Variants in RPH3AL observed in about 807,000 individuals in gnomAD.
RPH3AL encodes rab effector Noc2.
In RPH3AL, 38 loss-of-function variants were observed where a neutral mutation model predicts 43.1. That is an observed-to-expected ratio of 0.88 (90% CI 0.68 to 1.15). The LOEUF (loss-of-function observed/expected upper bound fraction) is 1.15. Among genes scored for constraint, RPH3AL ranks in the 50% most tolerant of loss-of-function variants. The pLI is 0.00. For missense variants in RPH3AL, 462 were observed against 423.2 expected (o/e 1.09, Z -0.81); for synonymous variants, 189 against 176.3 (o/e 1.07, Z -0.57).
chr17:283,186 T>C lies in RPH3AL; in HGVS notation c.352-1332A>G, dbSNP rs1462002541. 1.3e-5 allele frequency among the ~76,000 whole-genome samples: 2 copies of C among 152,058 alleles called. No individual in the cohort carries two copies. Among genetic ancestry groups the C allele is most frequent in the Admixed American group, 6.6e-5 (1 of 15,266 alleles). On this transcript the variant is annotated intron_variant, in intron 5 of 9. Coordinates refer to ENST00000331302, the MANE Select transcript of RPH3AL (RefSeq NM_006987.4). This position sits in a 1 kb window ranked among gnomAD's most constrained non-coding sequence, Gnocchi z 4.2. Reference sequence around the variant, plus strand: ...TCTGCAGCCCCCCGCCGAGGGAAGGTTGCATCTGTTGCTTGGCCTTTTCTG... The same window carrying C: ...TCTGCAGCCCCCCGCCGAGGGAAGGCTGCATCTGTTGCTTGGCCTTTTCTG...
intron 1 of RPH3AL, among the ~76,000 whole-genome samples, chr17:337,171 A>C (rs1331809300): frequency 6.6e-6 from 1 of 151,984 alleles, no homozygotes; most frequent in Non-Finnish European, 1.5e-5. Context: ...GCTGGAGTGC[A>C]GTGGCACAGT....
At chr17:296,248 A>T (rs2043175975) in intron 5 of RPH3AL, among the ~76,000 whole-genome samples, 1 of 74,910 alleles carries the variant, frequency 1.3e-5, no homozygotes, top group Non-Finnish European at 2.6e-5. Flanking sequence ...GGGAATGCAC[A>T]TCAGTGTGGG....
chr17:317,556 T>C (rs566301003), intron 5 of RPH3AL, among the ~76,000 whole-genome samples: 15 of 152,214 alleles, frequency 9.9e-5, no homozygotes, highest in African/African-American at 2.9e-4. Flanking sequence ...CCACCTCCAC[T>C]GACCTGTAGT....
intron 2 of RPH3AL, chr17:331,771 C>A: frequency 7.8e-7 from 1 of 1,289,072 alleles, no homozygotes; most frequent in Non-Finnish European, 1.0e-6. Flanking sequence ...GCTCAGAGGG[C>A]AGAAAGTCTG....
intron 7 of RPH3AL, among the ~76,000 whole-genome samples, chr17:243,073 A>C (rs1426699702): frequency 3.1e-5 from 4 of 128,588 alleles, no homozygotes; most frequent in Admixed American, 2.2e-4. Flanking sequence ...TCTATTGATT[A>C]CCTTCCTCTA....
At chr17:270,226 A>T in intron 6 of RPH3AL, among the ~76,000 whole-genome samples, 1 of 152,166 alleles carries the variant, frequency 6.6e-6, no homozygotes, top group East Asian at 1.9e-4. Context: ...AGACCTCCAG[A>T]GGGGGCCCTC....
At position 225,697 on chromosome 17, in the gene RPH3AL, T is replaced by C. The variant is rs968412750; in HGVS notation, c.614-5961A>G. Among the ~76,000 whole-genome samples, 1 of 152,200 alleles carries C rather than the reference T, an allele frequency of 6.6e-6. No homozygotes were observed. Among genetic ancestry groups the C allele is most frequent in the Non-Finnish European group, 1.5e-5 (1 of 68,020 alleles). On this transcript the variant is annotated intron_variant, in intron 7 of 9. Coordinates refer to ENST00000331302, the MANE Select transcript of RPH3AL (RefSeq NM_006987.4). The surrounding 1 kb of genome is among the most constrained non-coding windows in gnomAD (Gnocchi z 4.4). The stretch of plus-strand genomic sequence containing the variant: ...CGCCTCTCTCTGGCAGAGATGCTTA[T>C]GGGAGGTCTAGTCATGCTTCCTGAC...
At chr17:315,661 T>G (rs2044029997) in intron 5 of RPH3AL, among the ~76,000 whole-genome samples, 1 of 152,052 alleles carries the variant, frequency 6.6e-6, no homozygotes, top group Admixed American at 6.5e-5. Flanking sequence ...GTGCTCCACC[T>G]CCACTGACCT....
At chr17:265,689 C>T (rs2042303828) in intron 6 of RPH3AL, among the ~76,000 whole-genome samples, 1 of 152,210 alleles carries the variant, frequency 6.6e-6, no homozygotes, top group Non-Finnish European at 1.5e-5. Context: ...TGGAAAATGA[C>T]ACAAACAACA....
At chr17:282,334 T>C (rs2042800956) in intron 5 of RPH3AL, among the ~76,000 whole-genome samples, 1 of 152,136 alleles carries the variant, frequency 6.6e-6, no homozygotes, top group Non-Finnish European at 1.5e-5. Context: ...TCGTGAGAAA[T>C]GCTGGTAACA....
intron 1 of RPH3AL, among the ~76,000 whole-genome samples, chr17:342,755 A>T (rs1230281119): frequency 6.6e-6 from 1 of 152,182 alleles, no homozygotes. Context: ...ATGATTGGTG[A>T]TGGTGATTAG....
chr17:244,428 G>A (rs1215190606), intron 7 of RPH3AL, among the ~76,000 whole-genome samples: 14 of 151,418 alleles, frequency 9.2e-5, no homozygotes, highest in African/African-American at 3.4e-4. Flanking sequence ...GGGAGAGAAG[G>A]GAAGAGAATG....
At chr17:260,038 C>T (rs1318579224) in intron 6 of RPH3AL, among the ~76,000 whole-genome samples, 1 of 152,196 alleles carries the variant, frequency 6.6e-6, no homozygotes, top group Non-Finnish European at 1.5e-5. Flanking sequence ...TTGTCCACCC[C>T]TTCCATGTGT....
intron 7 of RPH3AL, among the ~76,000 whole-genome samples, chr17:244,950 ATGTGTGTGTGAGCT>A (rs1273119414): frequency 6.6e-6 from 1 of 151,964 alleles, no homozygotes; most frequent in Admixed American, 6.6e-5. Flanking sequence ...GTGTACATGC[ATGTGTGTGTGAGCT>A]TGTGTGTCTG....
At chr17:272,735 A>G (rs948879199) in intron 6 of RPH3AL, among the ~76,000 whole-genome samples, 6 of 149,060 alleles carry the variant, frequency 4.0e-5, no homozygotes, top group Admixed American at 6.8e-5. Context: ...GAGCACATGT[A>G]CCCTAGAACT....
chr17:332,769 G>T, intron 2 of RPH3AL: 1 of 298,574 alleles, frequency 3.3e-6, no homozygotes, highest in Non-Finnish European at 6.8e-6. Flanking sequence ...AGGGGCTGGT[G>T]CCCCCAGGAG....
chr17:319,632 A>G, intron 4 of RPH3AL, 83 bp from the exon 5 acceptor site: 1 of 1,527,222 alleles, frequency 6.5e-7, no homozygotes, highest in South Asian at 1.2e-5. Context: ...GTACCATGCC[A>G]CATGTGCTGT....
In RPH3AL at chr17:336,833, C is replaced by T. The variant is rs117440525; in HGVS notation, c.-212-2899G>A. 3.4e-3 allele frequency among the ~76,000 whole-genome samples: 522 copies of T among 152,280 alleles called. 2 individuals carry two copies. Among genetic ancestry groups the T allele is most frequent in the Non-Finnish European group, 5.4e-3 (370 of 68,022 alleles). On this transcript the variant is annotated intron_variant, in intron 1 of 9. Transcript: ENST00000331302. ...CATTGCAGCCGCCCAGCCTTGTCTCCGGCACCCTCTCACCTGGAACGCCTT... is the reference window on the plus strand; with the variant it reads ...CATTGCAGCCGCCCAGCCTTGTCTCTGGCACCCTCTCACCTGGAACGCCTT...
At chr17:307,882 G>A (rs998454719) in intron 5 of RPH3AL, among the ~76,000 whole-genome samples, 3 of 152,206 alleles carry the variant, frequency 2.0e-5, no homozygotes, top group Non-Finnish European at 2.9e-5. Context: ...GAGATGTTCC[G>A]CTTGCCAGAC....
Sources: gnomAD v4.1 joint callset for allele counts (sites outside exome capture counted in the v4.1 genomes callset) on GRCh38, gnomAD v4.1.1 for gene constraint, Gnocchi (gnomAD v3.1) non-coding constraint, MANE v1.5 for transcripts, NCBI Gene and HGNC (gene_info 2026-07-23, HGNC 2026-07-21) for gene names.